KDM2A: variants seen among roughly 807,000 people sequenced by gnomAD.
The protein encoded by KDM2A is lysine-specific demethylase 2A.
Under a neutral mutation model 137.3 loss-of-function variants are expected in KDM2A, and 3 were observed. The ratio of observed to expected loss-of-function variants is 0.02; its 90% CI spans 0.01 to 0.06. The LOEUF is 0.06. Among genes scored for constraint, KDM2A ranks in the 10% least tolerant of loss-of-function variants. The pLI is 1.00. For synonymous variants in KDM2A, 512 were observed against 541.5 expected (o/e 0.95, Z 0.76); for missense variants, 738 against 1,510.6 (o/e 0.49, Z 8.48).
chr11:67,249,801 C>T (rs926115291), intron 16 of KDM2A, among the ~76,000 whole-genome samples: 2 of 152,162 alleles, frequency 1.3e-5, no homozygotes, highest in African/African-American at 2.4e-5. Context: ...AACAGAAATA[C>T]GTCTCTTGGG....
intron 12 of KDM2A, chr11:67,240,461 G>T: frequency 1.9e-6 from 2 of 1,071,700 alleles, no homozygotes; most frequent in Non-Finnish European, 2.7e-6. Flanking sequence ...GAAACTGCCT[G>T]CCGGGCGAGT....
intron 12 of KDM2A, among the ~76,000 whole-genome samples, chr11:67,234,631 G>A (rs1025991057): frequency 2.0e-5 from 3 of 152,154 alleles, no homozygotes; most frequent in East Asian, 1.9e-4. Context: ...TGCTTTAGGC[G>A]GCAGACGCAG....
intron 2 of KDM2A, among the ~76,000 whole-genome samples, chr11:67,135,111 C>T (rs537089956): frequency 6.6e-6 from 1 of 151,552 alleles, no homozygotes; most frequent in Admixed American, 6.6e-5. Context: ...TTTTGTTGCC[C>T]AGGCTGGAGT....
intron 2 of KDM2A, among the ~76,000 whole-genome samples, chr11:67,129,163 G>A (rs1855794774): frequency 6.6e-6 from 1 of 152,234 alleles, no homozygotes; most frequent in African/African-American, 2.4e-5. Context: ...GTCTTGCAGT[G>A]TAGATAAGAA....
intron 2 of KDM2A, among the ~76,000 whole-genome samples, chr11:67,125,928 G>A (rs183295573): frequency 5.5e-5 from 7 of 128,180 alleles, no homozygotes; most frequent in Non-Finnish European, 1.6e-5. Flanking sequence ...GGGTGACTGA[G>A]CAAGGCTTCA....
At chr11:67,236,896 G>T (rs1269165223) in intron 12 of KDM2A, among the ~76,000 whole-genome samples, 2 of 152,182 alleles carry the variant, frequency 1.3e-5, no homozygotes, top group Admixed American at 1.3e-4. Flanking sequence ...CGTGGTCCTA[G>T]CCCTCAAGAG....
At chr11:67,197,614 G>T (rs1277275592) in intron 5 of KDM2A, among the ~76,000 whole-genome samples, 1 of 152,176 alleles carries the variant, frequency 6.6e-6, no homozygotes, top group East Asian at 1.9e-4. Context: ...TACTTCTTCA[G>T]TGTCAGTTTA....
chr11:67,207,694 T>C lies in KDM2A; in HGVS notation c.486+6T>C, dbSNP rs1307222473. On this transcript the variant is annotated splice_donor_region_variant and intron_variant, in intron 6 of 20. Transcript: ENST00000529006. Reference sequence around the variant, plus strand: ...TGGTGCAGAGGCCCTCCACGGTTAGTGTAATCATTTTCTTCATATTGTCAT... The same window carrying C: ...TGGTGCAGAGGCCCTCCACGGTTAGCGTAATCATTTTCTTCATATTGTCAT... 4 of 1,585,564 alleles carry C rather than the reference T, an allele frequency of 2.5e-6. No homozygotes were observed. Among genetic ancestry groups the C allele is most frequent in the Admixed American group, 1.8e-5 (1 of 56,750 alleles).
chr11:67,241,178 A>G (rs2136442452), intron 12 of KDM2A, among the ~76,000 whole-genome samples: 1 of 151,760 alleles, frequency 6.6e-6, no homozygotes, highest in South Asian at 2.1e-4. Context: ...GGAGCCATGC[A>G]CTCCCTAGCA....
intron 5 of KDM2A, among the ~76,000 whole-genome samples, chr11:67,203,807 T>G (rs1857721862): frequency 6.6e-6 from 1 of 151,736 alleles, no homozygotes; most frequent in Non-Finnish European, 1.5e-5. Context: ...TTTTTTTTCT[T>G]TTTTCTTTTT....
intron 5 of KDM2A, among the ~76,000 whole-genome samples, chr11:67,187,507 TATATC>T (rs1401012291): frequency 1.3e-5 from 2 of 152,088 alleles, no homozygotes; most frequent in Non-Finnish European, 1.5e-5. Context: ...TAGCTATACT[TATATC>T]AGATAAAACA....
chr11:67,216,847 A>C (rs1432276994), intron 8 of KDM2A, among the ~76,000 whole-genome samples: 1 of 150,448 alleles, frequency 6.6e-6, no homozygotes, highest in Non-Finnish European at 1.5e-5. Flanking sequence ...TTGAACCCAC[A>C]AGGTGGAGGT....
chr11:67,125,135 A>G (rs1590700241), intron 2 of KDM2A, among the ~76,000 whole-genome samples: 1 of 150,098 alleles, frequency 6.7e-6, no homozygotes, highest in African/African-American at 2.5e-5. Flanking sequence ...TGCTGGGATT[A>G]CAGGCTTGAG....
chr11:67,254,801 G>A lies in KDM2A; in HGVS notation c.3308-73G>A, dbSNP rs549099041. The stretch of plus-strand genomic sequence containing the variant: ...TTGTTTAGCATTTTGAAGGAAAGAC[G>A]GCTACAGGAATTGAATGGCAGAGGA... On this transcript the variant is annotated intron_variant, in intron 20 of 20. Coordinates refer to ENST00000529006, the MANE Select transcript of KDM2A (RefSeq NM_012308.3). The surrounding 1 kb of genome is among the most constrained non-coding windows in gnomAD (Gnocchi z 4.7). 8.4e-5 allele frequency: 115 copies of A among 1,374,192 alleles called. No individual in the cohort carries two copies. The highest frequency in any genetic ancestry group is 1.1e-4 in the Non-Finnish European group (103 of 980,038). The allele number at this position is 1,374,192 out of a possible 1,614,324, so 85.1% of individuals were successfully genotyped here.
intron 2 of KDM2A, among the ~76,000 whole-genome samples, chr11:67,172,081 C>T (rs1003404719): frequency 7.2e-5 from 11 of 152,138 alleles, no homozygotes; most frequent in Non-Finnish European, 1.3e-4. Flanking sequence ...CCTCAACCTC[C>T]GGGACTCAAG....
intron 2 of KDM2A, chr11:67,143,443 A>T (rs968827010): frequency 2.0e-5 from 3 of 152,076 alleles, no homozygotes; most frequent in Non-Finnish European, 2.9e-5. Flanking sequence ...TCCGTAAAAC[A>T]TAAATTTATA....
rs1859644172 is a variant in KDM2A at position 67,257,286 on chromosome 11, T to A, written c.*2231T>A. ...AAAACATGCATTTTTACCGTGCACG[T>A]AAATTGGTCAGCAGAAAAGGGAGCC... On this transcript the variant is annotated 3_prime_UTR_variant, in exon 21 of 21. Transcript: ENST00000529006. 1 of 152,500 alleles carries A rather than the reference T, an allele frequency of 6.6e-6. No individual in the cohort carries two copies. The highest frequency in any genetic ancestry group is 2.4e-5 in the African/African-American group (1 of 41,396). The allele number at this position is 152,500 out of a possible 1,614,324, so 9.4% of individuals were successfully genotyped here. A position where few individuals can be genotyped will look rare whatever the true frequency, so the allele number is the denominator to read the frequency against.
intron 5 of KDM2A, chr11:67,196,307 G>A (rs1857480127): frequency 2.2e-6 from 1 of 455,946 alleles, no homozygotes. Context: ...GAGCAAGTGG[G>A]CCTATTACAG....
chr11:67,250,263 C>T lies in KDM2A; in HGVS notation c.2233C>T (p.Pro745Ser). ...GACTCGGTCATCCCCTGGGGCTGGC[C>T]CCAGCGACCACCACAGTGCCAGCCG... ...MVTRSSPGAG[P>S]SDHHSASRDE... Residue 745 changes from proline (P) to serine (S), a missense_variant, in exon 17 of 21, where the codon CCC becomes TCC. Pro to Ser is a moderately conservative substitution (Grantham distance 74). Around this residue, in one of 9 missense-constraint regions of KDM2A, gnomAD observed 244 missense variants for 324.6 expected, o/e 0.75. Transcript: ENST00000529006. This position sits in a 1 kb window ranked among gnomAD's most constrained non-coding sequence, Gnocchi z 7.1. The T allele has an allele frequency of 4.3e-6, 7 of 1,613,836 alleles. 1 individual carries two copies. Among genetic ancestry groups the T allele is most frequent in the Non-Finnish European group, 5.9e-6 (7 of 1,179,856 alleles).
Sources: gnomAD v4.1 joint callset for allele counts (sites outside exome capture counted in the v4.1 genomes callset) on GRCh38, gnomAD v4.1.1 for gene constraint, gnomAD v4.1.1 regional missense constraint, Gnocchi (gnomAD v3.1) non-coding constraint, MANE v1.5 for transcripts, NCBI Gene and HGNC (gene_info 2026-07-23, HGNC 2026-07-21) for gene names.